KTN1: variants seen among roughly 807,000 people sequenced by gnomAD.
KTN1 encodes the protein kinectin.
Under a neutral mutation model 222.5 loss-of-function variants are expected in KTN1, and 130 were observed. That is an observed-to-expected ratio of 0.58 (90% CI 0.51 to 0.68). The LOEUF (loss-of-function observed/expected upper bound fraction) is 0.68, where lower values mean the gene tolerates loss of function less well. Among genes scored for constraint, KTN1 ranks in the 30% least tolerant of loss-of-function variants. The pLI, the probability that KTN1 is intolerant of heterozygous loss-of-function variation, is 0.00. For synonymous variants in KTN1, 512 were observed against 496.3 expected, an observed-to-expected ratio of 1.03 and a Z score of -0.42; for missense variants, 1,508 against 1,500.4, an observed-to-expected ratio of 1.01 and a Z score of -0.08.
rs1595264739 is a variant in KTN1 at position 55,670,865 on chromosome 14, A to G, written c.3348+56A>G. Reference sequence around the variant, plus strand: ...TAAACATAGAAAAAAGAAGCAAATAAGATTTTGTCTTCATAAGCTTGGAAA... The same window carrying G: ...TAAACATAGAAAAAAGAAGCAAATAGGATTTTGTCTTCATAAGCTTGGAAA... On this transcript the variant is annotated intron_variant, in intron 35 of 43. Coordinates refer to ENST00000395314, the MANE Select transcript of KTN1 (RefSeq NM_001079521.2). 5 of 1,200,306 alleles carry G rather than the reference A, an allele frequency of 4.2e-6. No homozygotes were observed. The East Asian group carries it at 9.7e-5, about 23-fold the overall frequency. The allele number at this position is 1,200,306 out of a possible 1,614,324, so 74.4% of individuals were successfully genotyped here.
Position 55,628,089 on chromosome 14 carries a change from A to G in KTN1, c.1080+61A>G, listed in dbSNP as rs1246648131. On this transcript the variant is annotated intron_variant, in intron 6 of 43. Coordinates refer to ENST00000395314, the MANE Select transcript of KTN1 (RefSeq NM_001079521.2). The stretch of plus-strand genomic sequence containing the variant: ...CAAATCAGAAGCAACAAAAGATTTT[A>G]GAAATTGTCCATAATCAGTAGTTTA... 4.9e-6 allele frequency: 5 copies of G among 1,029,702 alleles called. No homozygotes were observed. The African/African-American group carries it at 6.5e-5, about 13-fold the overall frequency. 63.8% of individuals were successfully genotyped at this position (1,029,702 alleles called of 1,614,324 possible).
At chr14:55,594,755 G>A (rs2034737657) in intron 1 of KTN1, among the ~76,000 whole-genome samples, 1 of 152,170 alleles carries the variant, frequency 6.6e-6, no homozygotes, top group African/African-American at 2.4e-5. Flanking sequence ...AGACAAATTT[G>A]TGTAGGTATA....
chr14:55,635,490 G>C (rs1016237762), intron 9 of KTN1, among the ~76,000 whole-genome samples: 1 of 152,174 alleles, frequency 6.6e-6, no homozygotes, highest in Non-Finnish European at 1.5e-5. Context: ...CCAGTGGCTT[G>C]CACTCGACCC....
intron 43 of KTN1, chr14:55,681,866 GT>G (rs1301002836): frequency 2.6e-5 from 4 of 152,016 alleles, no homozygotes; most frequent in Non-Finnish European, 4.4e-5. Flanking sequence ...CCCGTTAAAT[GT>G]TTGTGTTACC....
At chr14:55,678,253 A>C in intron 41 of KTN1, 99 bp from the exon 42 acceptor site, 3 of 728,388 alleles carry the variant, frequency 4.1e-6, no homozygotes. Flanking sequence ...TCGTCTTTTG[A>C]GAGGAGCTTT....
intron 18 of KTN1, chr14:55,644,204 G>A: frequency 7.4e-6 from 3 of 405,022 alleles, no homozygotes; most frequent in East Asian, 3.8e-5. Flanking sequence ...GAAGAGAAAA[G>A]ATTGGTATAA....
Position 55,612,404 on chromosome 14 carries a change from A to G in KTN1, c.356A>G (p.Lys119Arg), listed in dbSNP as rs1455243672. The G allele has an allele frequency of 1.2e-6, 2 of 1,613,986 alleles. No individual in the cohort carries two copies. Among genetic ancestry groups the G allele is most frequent in the Admixed American group, 1.7e-5 (1 of 59,994 alleles). The change falls in exon 2 of 44, where the codon AAG (lysine) becomes AGG (arginine). Residue 119 changes from lysine to arginine, a missense_variant. Physicochemically the swap from Lys to Arg is conservative, Grantham distance 26. Coordinates refer to ENST00000395314, the MANE Select transcript of KTN1 (RefSeq NM_001079521.2). ...SSVRERKKKE[K>R]KQKPVLEEQV... is the part of the protein sequence containing the mutation. ...GTTAGGGAAAGAAAAAAGAAGGAAA[A>G]GAAACAAAAGCCTGTGCTTGAAGAG...
intron 13 of KTN1, 64 bp downstream of exon 13, chr14:55,639,286 C>T (rs904225014): frequency 6.2e-6 from 7 of 1,128,312 alleles, no homozygotes; most frequent in African/African-American, 1.6e-5. Flanking sequence ...TTGTTAGATG[C>T]GACACTTATG....
At chr14:55,605,003 A>G (rs79022053) in intron 1 of KTN1, among the ~76,000 whole-genome samples, 12,170 of 152,236 alleles carry the variant, frequency 0.08, 531 homozygotes, top group South Asian at 0.11. Flanking sequence ...TTTCTTCAAA[A>G]TCTGATCTAG....
chr14:55,675,658 T>A (rs550541917), intron 40 of KTN1, 177 bp from the exon 41 acceptor site: 1 of 445,062 alleles, frequency 2.2e-6, no homozygotes, highest in East Asian at 3.3e-5. Context: ...TATGTTTAGC[T>A]TTACAGATGG....
intron 33 of KTN1, 30 bp downstream of exon 33, chr14:55,664,071 A>G (rs758488310): frequency 7.0e-7 from 1 of 1,435,832 alleles, no homozygotes; most frequent in East Asian, 2.3e-5. Context: ...GAAACAATCC[A>G]CTGAACAGAG....
chr14:55,614,555 C>T (rs868029681), intron 2 of KTN1, among the ~76,000 whole-genome samples: 2 of 151,966 alleles, frequency 1.3e-5, no homozygotes, highest in Non-Finnish European at 2.9e-5. Context: ...TGCCCATGAA[C>T]CAAGAACACT....
chr14:55,610,004 A>G (rs2037307179), intron 1 of KTN1, among the ~76,000 whole-genome samples: 1 of 152,236 alleles, frequency 6.6e-6, no homozygotes, highest in South Asian at 2.1e-4. Context: ...ATTATCAGGG[A>G]AACAATTCTG....
intron 1 of KTN1, among the ~76,000 whole-genome samples, chr14:55,598,976 A>T (rs1185341540): frequency 1.3e-5 from 2 of 151,776 alleles, no homozygotes; most frequent in African/African-American, 2.4e-5. Context: ...TGTATCCTTT[A>T]TGTCTGTTAA....
At chr14:55,595,024 A>C (rs978432034) in intron 1 of KTN1, among the ~76,000 whole-genome samples, 4 of 152,220 alleles carry the variant, frequency 2.6e-5, no homozygotes, top group African/African-American at 9.6e-5. Context: ...TAACAAACAC[A>C]AGTTGTTCAC....
At chr14:55,581,087 T>G (rs2031439824) in intron 1 of KTN1, among the ~76,000 whole-genome samples, 1 of 152,182 alleles carries the variant, frequency 6.6e-6, no homozygotes, top group South Asian at 2.1e-4. Flanking sequence ...CCCTTCAGTT[T>G]CCAAAAGTGA....
At chr14:55,670,583 C>G (rs1328018562) in intron 34 of KTN1, 146 bp from the exon 35 acceptor site, 2 of 536,662 alleles carry the variant, frequency 3.7e-6, no homozygotes, top group East Asian at 6.3e-5. Context: ...AGTTACATTC[C>G]TCTTTGAAAT....
At chr14:55,675,635 C>A in intron 40 of KTN1, 200 bp from the exon 41 acceptor site, 1 of 418,444 alleles carries the variant, frequency 2.4e-6, no homozygotes, top group Non-Finnish European at 4.3e-6. Flanking sequence ...TAGTTCATTT[C>A]TGTGGCTTTT....
chr14:55,681,629 T>G (rs1214847588), intron 43 of KTN1: 1 of 152,182 alleles, frequency 6.6e-6, no homozygotes, highest in Admixed American at 6.5e-5. Flanking sequence ...GCAGCTCCCC[T>G]CCTAACTGAT....
Sources: allele counts gnomAD v4.1 joint callset (sites outside exome capture counted in the v4.1 genomes callset), GRCh38; gene constraint gnomAD v4.1.1; transcripts MANE v1.5; gene names NCBI Gene and HGNC (gene_info 2026-07-23, HGNC 2026-07-21).